The following SNX7 variants were observed in gnomAD, a reference collection of about 807,000 sequenced individuals.
The protein encoded by SNX7 is sorting nexin 7, also known as sorting nexin-7.
SNX7 carries 35 observed loss-of-function variants against 48.4 expected under a neutral mutation model. The observed-to-expected ratio is 0.72, with a 90% CI of 0.55 to 0.96. SNX7 has a LOEUF of 0.96. SNX7 is among the 40% of genes least tolerant of loss of function. The pLI, the probability that SNX7 is intolerant of heterozygous loss-of-function variation, is 0.00. For missense variants in SNX7, 553 were observed against 548.9 expected (o/e 1.01, Z -0.07); for synonymous variants, 190 against 190.2 (o/e 1.00, Z 0.01).
intron 8 of SNX7, among the ~76,000 whole-genome samples, chr1:98,756,659 C>T (rs1323401941): frequency 2.0e-5 from 3 of 151,566 alleles, no homozygotes; most frequent in Admixed American, 6.6e-5. Flanking sequence ...GGGCACCCTC[C>T]GCATATCTCC....
At chr1:98,702,509 G>A (rs1373376234) in intron 7 of SNX7, among the ~76,000 whole-genome samples, 2 of 151,936 alleles carry the variant, frequency 1.3e-5, no homozygotes, top group Non-Finnish European at 2.9e-5. Context: ...TTTTACTGAA[G>A]TATTCTAAAG....
At chr1:98,667,712 C>T (rs970671857) in intron 1 of SNX7, among the ~76,000 whole-genome samples, 8 of 151,984 alleles carry the variant, frequency 5.3e-5, no homozygotes, top group African/African-American at 1.9e-4. Flanking sequence ...ACATTGCCTG[C>T]ATTTGAAATC....
In SNX7 at chr1:98,661,750, G is replaced by T; in HGVS notation, c.19G>T (p.Ala7Ser). 1 of 1,235,310 alleles carries T rather than the reference G, an allele frequency of 8.1e-7. No homozygotes were observed. The highest frequency in any genetic ancestry group is 1.0e-6 in the Non-Finnish European group (1 of 984,184). 76.5% of individuals were successfully genotyped at this position (1,235,310 alleles called of 1,614,324 possible). A position where few individuals can be genotyped will look rare whatever the true frequency, so the allele number is the denominator to read the frequency against. The change falls in exon 1 of 9, where the codon GCA becomes TCA. Residue 7 changes from alanine (A) to serine (S), a missense_variant. Transcript: ENST00000306121. Reference sequence around the variant, plus strand: ...TCTCGGGATGGAGGGCGAGCGCCGGGCATCGCAGGCGCCCTCCTCGGGCCT... The same window carrying T: ...TCTCGGGATGGAGGGCGAGCGCCGGTCATCGCAGGCGCCCTCCTCGGGCCT... MEGERR[A>S]SQAPSSGLPA...
At chr1:98,667,791 A>C (rs946333345) in intron 1 of SNX7, among the ~76,000 whole-genome samples, 4 of 152,068 alleles carry the variant, frequency 2.6e-5, no homozygotes, top group African/African-American at 9.7e-5. Flanking sequence ...CAGATTTTTC[A>C]TCTGTAAAAT....
chr1:98,694,474 A>C (rs1168136339), intron 4 of SNX7, among the ~76,000 whole-genome samples: 1 of 151,454 alleles, frequency 6.6e-6, no homozygotes, highest in Non-Finnish European at 1.5e-5. Context: ...TTCAGGTAGT[A>C]TCTATTTACA....
At chr1:98,759,641 A>G (rs549469499) in intron 8 of SNX7, among the ~76,000 whole-genome samples, 21 of 152,236 alleles carry the variant, frequency 1.4e-4, no homozygotes, top group African/African-American at 5.1e-4. Context: ...TTATAGCTGA[A>G]GAAACTCCAA....
At chr1:98,752,866 C>T (rs1305624562) in intron 8 of SNX7, among the ~76,000 whole-genome samples, 1 of 151,950 alleles carries the variant, frequency 6.6e-6, no homozygotes, top group East Asian at 1.9e-4. Context: ...AGCCTGATGC[C>T]CCTGCAGTCA....
At chr1:98,725,786 C>T (rs906046475) in intron 7 of SNX7, among the ~76,000 whole-genome samples, 3 of 152,116 alleles carry the variant, frequency 2.0e-5, no homozygotes, top group Non-Finnish European at 4.4e-5. Flanking sequence ...ATTGAGGTAG[C>T]GTGGCAACCT....
At chr1:98,712,021 A>G (rs11166073) in intron 7 of SNX7, among the ~76,000 whole-genome samples, 44,060 of 152,122 alleles carry the variant, frequency 0.29, 6,881 homozygotes, top group Non-Finnish European at 0.34. Flanking sequence ...TCATCTGTTC[A>G]AATTCTATCA....
intron 2 of SNX7, among the ~76,000 whole-genome samples, chr1:98,686,291 T>G (rs1650792077): frequency 6.6e-6 from 1 of 152,148 alleles, no homozygotes; most frequent in Admixed American, 6.5e-5. Context: ...TAGCAAAATA[T>G]CAAAAGCATA....
At chr1:98,690,631 A>G (rs560222036) in intron 2 of SNX7, among the ~76,000 whole-genome samples, 1 of 152,098 alleles carries the variant, frequency 6.6e-6, no homozygotes, top group African/African-American at 2.4e-5. Flanking sequence ...CATTTTTCTC[A>G]GTTACATTCA....
At chr1:98,694,024 C>G (rs1317386511) in intron 4 of SNX7, among the ~76,000 whole-genome samples, 1 of 152,106 alleles carries the variant, frequency 6.6e-6, no homozygotes, top group Non-Finnish European at 1.5e-5. Context: ...TTTTGCAAGT[C>G]TATAGTCGTC....
At chr1:98,756,919 T>C (rs956865963) in intron 8 of SNX7, among the ~76,000 whole-genome samples, 1 of 152,032 alleles carries the variant, frequency 6.6e-6, no homozygotes, top group Non-Finnish European at 1.5e-5. Flanking sequence ...TTGGGGCTGG[T>C]GGAAGGTATT....
At chr1:98,709,110 C>G (rs1025173271) in intron 7 of SNX7, among the ~76,000 whole-genome samples, 4 of 152,206 alleles carry the variant, frequency 2.6e-5, no homozygotes, top group African/African-American at 4.8e-5. Flanking sequence ...GTTTACTCAA[C>G]TGTGAGAGAT....
chr1:98,744,422 C>T (rs1027794821), intron 8 of SNX7, among the ~76,000 whole-genome samples: 3 of 151,740 alleles, frequency 2.0e-5, no homozygotes, highest in Non-Finnish European at 4.4e-5. Flanking sequence ...AAAAAACAGG[C>T]AATGTCAGTG....
intron 8 of SNX7, among the ~76,000 whole-genome samples, chr1:98,743,332 A>T (rs1425379617): frequency 6.6e-6 from 1 of 151,380 alleles, no homozygotes; most frequent in Non-Finnish European, 1.5e-5. Flanking sequence ...TGATTAATAC[A>T]GCCCTAAAGT....
intron 1 of SNX7, chr1:98,662,175 T>A (rs1570471533): frequency 3.0e-6 from 1 of 333,692 alleles, no homozygotes; most frequent in South Asian, 1.5e-4. Context: ...CTTAGTGGAG[T>A]CTGCAAAGTT....
At chr1:98,713,521 G>A (rs568146369) in intron 7 of SNX7, among the ~76,000 whole-genome samples, 1 of 151,152 alleles carries the variant, frequency 6.6e-6, no homozygotes, top group South Asian at 2.1e-4. Context: ...CTTTTTCTTT[G>A]CATTCAGAAC....
chr1:98,669,084 T>C (rs1275829030), intron 1 of SNX7, among the ~76,000 whole-genome samples: 1 of 152,222 alleles, frequency 6.6e-6, no homozygotes, highest in African/African-American at 2.4e-5. Flanking sequence ...TGTTCTGCCA[T>C]TCTCCAATTC....
Sources: allele counts gnomAD v4.1 joint callset (sites outside exome capture counted in the v4.1 genomes callset), GRCh38; gene constraint gnomAD v4.1.1; transcripts MANE v1.5; gene names NCBI Gene and HGNC (gene_info 2026-07-23, HGNC 2026-07-21).